Variants in MFHAS1 observed in about 807,000 individuals in gnomAD.
MFHAS1 encodes the protein multifunctional ROCO family signaling regulator 1.
Under a neutral mutation model 70.4 loss-of-function variants are expected in MFHAS1, and 50 were observed. The observed-to-expected ratio is 0.71, with a 90% CI of 0.57 to 0.90. The LOEUF (loss-of-function observed/expected upper bound fraction) is 0.90. Ranked by LOEUF, MFHAS1 falls within the 40% of genes least tolerant of loss-of-function variation. The pLI is 0.00. For synonymous variants in MFHAS1, 952 were observed against 620.0 expected (o/e 1.54, Z -7.96); for missense variants, 1,795 against 1,347.6 (o/e 1.33, Z -5.20).
intron 2 of MFHAS1, among the ~76,000 whole-genome samples, chr8:8,787,296 G>A (rs528299453): frequency 1.3e-5 from 2 of 152,126 alleles, no homozygotes; most frequent in East Asian, 3.9e-4. Flanking sequence ...TAGCCAGGAT[G>A]ATCTTGATCT....
intron 2 of MFHAS1, among the ~76,000 whole-genome samples, chr8:8,793,746 A>T (rs1395754775): frequency 6.6e-6 from 1 of 152,234 alleles, no homozygotes; most frequent in Non-Finnish European, 1.5e-5. Context: ...CTGGCCAGGG[A>T]ACCCACCCTT....
intron 1 of MFHAS1, among the ~76,000 whole-genome samples, chr8:8,848,778 C>G (rs1182280384): frequency 6.6e-6 from 1 of 152,134 alleles, no homozygotes; most frequent in African/African-American, 2.4e-5. Context: ...AGCAGTCGGC[C>G]CACAGGCTAC....
intron 1 of MFHAS1, among the ~76,000 whole-genome samples, chr8:8,838,796 G>C (rs1359268414): frequency 1.4e-5 from 2 of 144,224 alleles, no homozygotes; most frequent in Non-Finnish European, 3.0e-5. Flanking sequence ...TGAGCAACAG[G>C]GCGAGACCCT....
intron 1 of MFHAS1, among the ~76,000 whole-genome samples, chr8:8,833,996 C>T (rs1007588012): frequency 1.1e-4 from 17 of 152,010 alleles, no homozygotes; most frequent in African/African-American, 4.1e-4. Flanking sequence ...CATGGTGGTA[C>T]ATGTCTGTAA....
intron 1 of MFHAS1, among the ~76,000 whole-genome samples, chr8:8,830,678 G>C (rs952344121): frequency 1.1e-4 from 16 of 152,132 alleles, no homozygotes; most frequent in Non-Finnish European, 2.1e-4. Context: ...TCTTGGCTCA[G>C]TGCAACCTCC....
chr8:8,805,457 T>C (rs1240738047), intron 1 of MFHAS1, among the ~76,000 whole-genome samples: 3 of 152,180 alleles, frequency 2.0e-5, no homozygotes, highest in African/African-American at 2.4e-5. Flanking sequence ...TGAGAGAGAA[T>C]ATATTTACTA....
rs368665090 is a variant in MFHAS1 at position 8,842,037 on chromosome 8, T to C, written c.2999-44546A>G. 6.6e-5 allele frequency among the ~76,000 whole-genome samples: 10 copies of C among 152,320 alleles called. No homozygotes were observed. In the South Asian group the frequency reaches 1.9e-3, roughly 28 times the overall value. On this transcript the variant is annotated intron_variant, in intron 1 of 2. Transcript: ENST00000276282. ...CGGTGAAAGAATGAGCCAAGCAATGTGGGAGGCTGAGTGCCAACAAGGCTG... is the reference window on the plus strand; with the variant it reads ...CGGTGAAAGAATGAGCCAAGCAATGCGGGAGGCTGAGTGCCAACAAGGCTG...
chr8:8,801,965 C>A (rs1167569686), intron 1 of MFHAS1, among the ~76,000 whole-genome samples: 2 of 152,216 alleles, frequency 1.3e-5, no homozygotes, highest in African/African-American at 4.8e-5. Context: ...GACCCAGCAA[C>A]TTTTGTTATC....
chr8:8,883,872 A>G (rs1370681708), intron 1 of MFHAS1, among the ~76,000 whole-genome samples: 3 of 152,100 alleles, frequency 2.0e-5, no homozygotes, highest in African/African-American at 7.2e-5. Flanking sequence ...AAAGGGGAAT[A>G]ACCTCAGAGT....
intron 1 of MFHAS1, among the ~76,000 whole-genome samples, chr8:8,803,724 C>G (rs1806166919): frequency 6.6e-6 from 1 of 151,942 alleles, no homozygotes; most frequent in Admixed American, 6.6e-5. Flanking sequence ...GTAATCCCAG[C>G]ACTTTGGGAG....
chr8:8,823,052 C>T (rs1807025860), intron 1 of MFHAS1, among the ~76,000 whole-genome samples: 1 of 152,132 alleles, frequency 6.6e-6, no homozygotes. Flanking sequence ...AGGACAGTCT[C>T]GAATTCTAGT....
At chr8:8,799,762 C>T (rs1806023498) in intron 1 of MFHAS1, among the ~76,000 whole-genome samples, 1 of 152,168 alleles carries the variant, frequency 6.6e-6, no homozygotes, top group Non-Finnish European at 1.5e-5. Context: ...TCTCAAAGAG[C>T]AAAAGAAAAC....
intron 1 of MFHAS1, among the ~76,000 whole-genome samples, chr8:8,837,732 C>A (rs10099757): frequency 0.12 from 18,671 of 151,564 alleles, 1,200 homozygotes; most frequent in Middle Eastern, 0.16. Context: ...GATACCACTG[C>A]ACACCCATTA....
At chr8:8,816,458 A>T (rs1228683662) in intron 1 of MFHAS1, among the ~76,000 whole-genome samples, 1 of 152,210 alleles carries the variant, frequency 6.6e-6, no homozygotes, top group African/African-American at 2.4e-5. Flanking sequence ...AATTTCACTG[A>T]TCATATCCCA....
chr8:8,850,321 C>A (rs1808195197), intron 1 of MFHAS1, among the ~76,000 whole-genome samples: 1 of 152,178 alleles, frequency 6.6e-6, no homozygotes, highest in Non-Finnish European at 1.5e-5. Context: ...CTAATAATTT[C>A]CCACTTTTTA....
chr8:8,880,495 C>A (rs379547), intron 1 of MFHAS1, among the ~76,000 whole-genome samples: 8,208 of 152,152 alleles, frequency 0.054, 447 homozygotes, highest in African/African-American at 0.12. Flanking sequence ...GCCACATCAC[C>A]CAAAAGGCAG....
At position 8,891,667 on chromosome 8, in the gene MFHAS1, C is replaced by G; in HGVS notation, c.1392G>C (p.Thr464=). Residue 464 remains threonine (T), a synonymous_variant, in exon 1 of 3, where the codon ACG becomes ACC. Transcript: ENST00000276282. This position sits in a 1 kb window ranked among gnomAD's most constrained non-coding sequence, Gnocchi z 5.4. ...ACCGCAGGCCCCGGGAGGCATCGGCCGTCCAGCTGGTCACCTCGATGCCCT... is the reference window on the plus strand; with the variant it reads ...ACCGCAGGCCCCGGGAGGCATCGGCGGTCCAGCTGGTCACCTCGATGCCCT... ...VSKGIEVTSW[T]ADASRGLRFI... The G allele has an allele frequency of 6.2e-7, 1 of 1,613,568 alleles. No homozygotes were observed. Among genetic ancestry groups the G allele is most frequent in the Non-Finnish European group, 8.5e-7 (1 of 1,180,022 alleles).
chr8:8,853,776 G>T (rs991266100), intron 1 of MFHAS1, among the ~76,000 whole-genome samples: 1 of 152,106 alleles, frequency 6.6e-6, no homozygotes, highest in East Asian at 1.9e-4. Context: ...ATGTTGGGCA[G>T]GCTAGTCTCG....
rs1340603846 is a variant in MFHAS1, at chr8:8,890,946, A to C, written c.2113T>G (p.Ser705Ala). The change falls in exon 1 of 3, where the codon TCC becomes GCC. Residue 705 changes from serine (S) to alanine (A), a missense_variant. By Grantham distance (99) the Ser-to-Ala change is moderately conservative. Transcript: ENST00000276282. ...LTEDRLQSALSYLHESGKLLY... is the reference protein window; with the variant it reads ...LTEDRLQSALAYLHESGKLLY... ...AGCTTGCCGCTCTCATGCAGGTAGG[A>C]GAGGGCACTCTGCAGTCGGTCCTCG... 11 of 1,613,926 alleles carry C rather than the reference A, an allele frequency of 6.8e-6. No homozygotes were observed. The highest frequency in any genetic ancestry group is 8.5e-6 in the Non-Finnish European group (10 of 1,180,036).
Sources: gnomAD v4.1 joint callset for allele counts (sites outside exome capture counted in the v4.1 genomes callset) on GRCh38, gnomAD v4.1.1 for gene constraint, Gnocchi (gnomAD v3.1) non-coding constraint, MANE v1.5 for transcripts, NCBI Gene and HGNC (gene_info 2026-07-23, HGNC 2026-07-21) for gene names.